Variants in BRINP3 observed in about 807,000 individuals in gnomAD.
BRINP3 encodes BMP/retinoic acid-inducible neural-specific protein 3.
A neutral mutation model predicts 71.0 loss-of-function variants in BRINP3; 19 were observed. That is an observed-to-expected ratio of 0.27 (90% CI 0.19 to 0.39). The LOEUF (loss-of-function observed/expected upper bound fraction) is 0.39. BRINP3 is among the 10% of genes least tolerant of loss of function. The probability of loss-of-function intolerance (pLI) is 1.00; values close to 1 mark genes in which losing one functional copy is unlikely to be tolerated. For missense variants in BRINP3, 959 were observed against 940.8 expected, an observed-to-expected ratio of 1.02 and a Z score of -0.25; for synonymous variants, 380 against 337.7, an observed-to-expected ratio of 1.13 and a Z score of -1.37.
rs535298601 is a variant in BRINP3, at chr1:190,201,771, T to C, written c.961+24311A>G. 2.8e-4 allele frequency among the ~76,000 whole-genome samples: 42 copies of C among 152,240 alleles called. 1 individual carries two copies. Among genetic ancestry groups the C allele is most frequent in the Non-Finnish European group, 5.6e-4 (38 of 68,048 alleles). On this transcript the variant is annotated intron_variant, in intron 6 of 7. Coordinates refer to ENST00000367462, the MANE Select transcript of BRINP3 (RefSeq NM_199051.3). ...CAAGCCTTAATCAAGCCTTGCCAGC[T>C]TTCCCATGGTTTTCGGCCTGTGAAT...
chr1:190,186,045 T>C (rs1653487652), intron 6 of BRINP3, among the ~76,000 whole-genome samples: 1 of 152,158 alleles, frequency 6.6e-6, no homozygotes, highest in African/African-American at 2.4e-5. Flanking sequence ...ATACAATTAT[T>C]GTTTGTCAAC....
chr1:190,111,196 A>C (rs931768443), intron 7 of BRINP3, among the ~76,000 whole-genome samples: 88 of 150,514 alleles, frequency 5.8e-4, no homozygotes, highest in Admixed American at 2.7e-3. Context: ...AAAAAAAAAA[A>C]AAAAAAAAAA....
intron 2 of BRINP3, among the ~76,000 whole-genome samples, chr1:190,335,297 A>C (rs1313699468): frequency 1.3e-5 from 2 of 151,902 alleles, no homozygotes; most frequent in East Asian, 3.9e-4. Context: ...TTCTTCAGTC[A>C]CTTACCCGAT....
intron 7 of BRINP3, among the ~76,000 whole-genome samples, chr1:190,134,169 C>T (rs1052903651): frequency 6.6e-6 from 1 of 151,770 alleles, no homozygotes; most frequent in Non-Finnish European, 1.5e-5. Context: ...ATGAGGTCTA[C>T]GGTGGTTAGG....
rs554884305 is a variant in BRINP3, at chr1:190,366,499, T to C, written c.237-84749A>G. ...TGGGTGAGGACACAGCCAAATTATA[T>C]CATTCCACCTTTGGCCTCTCCCAAA... is the stretch of plus-strand genomic sequence containing the variant. On this transcript the variant is annotated intron_variant, in intron 2 of 7. Coordinates refer to ENST00000367462, the MANE Select transcript of BRINP3 (RefSeq NM_199051.3). Among the ~76,000 whole-genome samples the C allele has an allele frequency of 1.6e-4, 25 of 152,202 alleles. No individual in the cohort carries two copies. In the South Asian group the frequency reaches 5.2e-3, roughly 32 times the overall value.
chr1:190,215,077 A>T (rs1423800491), intron 6 of BRINP3, among the ~76,000 whole-genome samples: 1 of 147,486 alleles, frequency 6.8e-6, no homozygotes, highest in Non-Finnish European at 1.5e-5. Context: ...GATAATAGCA[A>T]TCCATGTAGC....
intron 2 of BRINP3, among the ~76,000 whole-genome samples, chr1:190,396,891 C>A (rs1221198692): frequency 3.3e-5 from 2 of 61,250 alleles, no homozygotes; most frequent in Non-Finnish European, 8.1e-5. Context: ...TTTTCAGTAC[C>A]TAAAACATTT....
chr1:190,215,160 G>A (rs184117694), intron 6 of BRINP3, among the ~76,000 whole-genome samples: 1 of 150,372 alleles, frequency 6.7e-6, no homozygotes, highest in East Asian at 2.0e-4. Context: ...TATATTTCTA[G>A]GCCTCATTGA....
rs1655099630 is a variant in BRINP3 at position 190,137,798 on chromosome 1, A to G, written c.1184+22870T>C. 3.9e-5 allele frequency among the ~76,000 whole-genome samples: 6 copies of G among 152,306 alleles called. No individual in the cohort carries two copies. The South Asian group carries it at 1.2e-3, about 32-fold the overall frequency. ...AGAAAGAGGAAACTAAAAGAGAATA[A>G]AGAAAAAAGTACATATTGATTATAT... On this transcript the variant is annotated intron_variant, in intron 7 of 7. Transcript: ENST00000367462.
chr1:190,407,210 A>G, intron 2 of BRINP3, among the ~76,000 whole-genome samples: 1 of 152,200 alleles, frequency 6.6e-6, no homozygotes, highest in East Asian at 1.9e-4. Context: ...GTCATATATT[A>G]GCCAGATTCC....
Position 190,151,115 on chromosome 1 carries a change from C to A in BRINP3, c.1184+9553G>T, listed in dbSNP as rs551130612. On this transcript the variant is annotated intron_variant, in intron 7 of 7. Transcript: ENST00000367462. ...TGAGCCGAGATAGTGCCACTGCACT[C>A]CATCCTGGGTGACAGAGCAAGACTC... Among the ~76,000 whole-genome samples, 18 of 152,052 alleles carry A rather than the reference C, an allele frequency of 1.2e-4. No homozygotes were observed. The South Asian group carries it at 3.7e-3, about 32-fold the overall frequency.
intron 2 of BRINP3, among the ~76,000 whole-genome samples, chr1:190,296,033 A>G (rs533776452): frequency 5.3e-5 from 7 of 131,476 alleles, no homozygotes; most frequent in Admixed American, 4.0e-4. Context: ...TCATTTGTCT[A>G]TATTTTTGTT....
chr1:190,303,097 T>A (rs1417797824), intron 2 of BRINP3, among the ~76,000 whole-genome samples: 1 of 151,778 alleles, frequency 6.6e-6, no homozygotes, highest in East Asian at 1.9e-4. Flanking sequence ...TATAATTAGA[T>A]AACATATTTT....
intron 7 of BRINP3, among the ~76,000 whole-genome samples, chr1:190,156,378 T>C (rs1656864041): frequency 6.6e-6 from 1 of 151,978 alleles, no homozygotes. Context: ...AAGAAAAAAA[T>C]ATAATTTGTA....
chr1:190,098,875 T>G lies in BRINP3; in HGVS notation c.1444A>C (p.Thr482Pro), dbSNP rs765692464. The change falls in exon 8 of 8, where the codon ACC becomes CCC. Residue 482 changes from threonine (T) to proline (P), a missense_variant. Coordinates refer to ENST00000367462, the MANE Select transcript of BRINP3 (RefSeq NM_199051.3). ...GLCKPEVAES[T>P]DHYIGFETDL... ...GTTTCAAAGCCAATATAGTGATCGG[T>G]GGACTCGGCGACTTCAGGCTTGCAG... The G allele has an allele frequency of 6.2e-7, 1 of 1,614,216 alleles. No individual in the cohort carries two copies.
rs565481067 is a variant in BRINP3 at position 190,347,105 on chromosome 1, A to G, written c.237-65355T>C. On this transcript the variant is annotated intron_variant, in intron 2 of 7. Coordinates refer to ENST00000367462, the MANE Select transcript of BRINP3 (RefSeq NM_199051.3). The stretch of plus-strand genomic sequence containing the variant: ...CTAATAATAGCTATCATTTGAGTGC[A>G]TGTTATTTATCAAAGGCTTATAGAC... Among the ~76,000 whole-genome samples the G allele has an allele frequency of 3.3e-5, 5 of 152,194 alleles. No homozygotes were observed. The East Asian group carries it at 9.7e-4, about 29-fold the overall frequency.
At chr1:190,320,161 A>G (rs1666143846) in intron 2 of BRINP3, among the ~76,000 whole-genome samples, 2 of 152,104 alleles carry the variant, frequency 1.3e-5, no homozygotes, top group Admixed American at 1.3e-4. Context: ...TTCCTACAGT[A>G]TATTTCTGGT....
At chr1:190,213,516 A>G (rs960545463) in intron 6 of BRINP3, among the ~76,000 whole-genome samples, 1 of 152,128 alleles carries the variant, frequency 6.6e-6, no homozygotes, top group African/African-American at 2.4e-5. Flanking sequence ...TAGAGTTAAA[A>G]GAGGCAACTG....
At chr1:190,349,883 A>C (rs1209879729) in intron 2 of BRINP3, among the ~76,000 whole-genome samples, 3 of 152,144 alleles carry the variant, frequency 2.0e-5, no homozygotes, top group African/African-American at 4.8e-5. Flanking sequence ...ATTTAGTATG[A>C]TAATTATGAA....
Sources: gnomAD v4.1 joint callset for allele counts (sites outside exome capture counted in the v4.1 genomes callset) on GRCh38, gnomAD v4.1.1 for gene constraint, MANE v1.5 for transcripts, NCBI Gene and HGNC (gene_info 2026-07-23, HGNC 2026-07-21) for gene names.